GTF2F2: variants seen among roughly 807,000 people sequenced by gnomAD.
The protein encoded by GTF2F2 is general transcription factor IIF subunit 2, also known as ATP-dependent helicase GTF2F2.
GTF2F2 carries 23 observed loss-of-function variants against 42.2 expected under a neutral mutation model. The ratio of observed to expected loss-of-function variants is 0.55; its 90% confidence interval spans 0.39 to 0.77. GTF2F2 has a LOEUF of 0.77. Ranked by LOEUF, GTF2F2 falls within the 30% of genes least tolerant of loss-of-function variation. GTF2F2 has a pLI of 0.00. For missense variants in GTF2F2, 261 were observed against 287.2 expected, an observed-to-expected ratio of 0.91 and a Z score of 0.66; for synonymous variants, 105 against 100.8, an observed-to-expected ratio of 1.04 and a Z score of -0.25.
intron 7 of GTF2F2, among the ~76,000 whole-genome samples, chr13:45,281,565 A>G (rs892622246): frequency 6.6e-6 from 1 of 152,238 alleles, no homozygotes; most frequent in African/African-American, 2.4e-5. Context: ...ATATAGTTAC[A>G]TGAGTCGCCT....
chr13:45,247,931 A>G (rs1267393235), intron 5 of GTF2F2, among the ~76,000 whole-genome samples: 1 of 151,070 alleles, frequency 6.6e-6, no homozygotes, highest in Non-Finnish European at 1.5e-5. Flanking sequence ...CACAACCTCT[A>G]CCTTCTGGGT....
Position 45,189,828 on chromosome 13 carries a change from T to C in GTF2F2, c.305-17596T>C, listed in dbSNP as rs1251716653. On this transcript the variant is annotated intron_variant, in intron 4 of 7. Transcript: ENST00000340473. ...CAATGGGTTGCAAATTAAGAATTAG[T>C]AGACTTCCTCAATTTTATACTTTAA... Among the ~76,000 whole-genome samples, 7 of 152,260 alleles carry C rather than the reference T, an allele frequency of 4.6e-5. No homozygotes were observed. In the East Asian group the frequency reaches 1.3e-3, roughly 29 times the overall value.
chr13:45,123,119 ATC>A (rs1249598228), intron 1 of GTF2F2: 1 of 151,906 alleles, frequency 6.6e-6, no homozygotes, highest in Non-Finnish European at 1.5e-5. Context: ...TGTCTGGGAC[ATC>A]TGTCACCCCA....
intron 5 of GTF2F2, among the ~76,000 whole-genome samples, chr13:45,212,828 G>T (rs896973066): frequency 6.6e-6 from 1 of 151,604 alleles, no homozygotes; most frequent in South Asian, 2.1e-4. Flanking sequence ...TACAACCTCC[G>T]CCTCCCACCT....
intron 4 of GTF2F2, among the ~76,000 whole-genome samples, chr13:45,200,960 C>T (rs1450022311): frequency 6.6e-6 from 1 of 152,086 alleles, no homozygotes; most frequent in Non-Finnish European, 1.5e-5. Flanking sequence ...GTCAGTAGTC[C>T]TCTGGTCTGG....
chr13:45,141,652 CTGTG>C (rs796738862), intron 2 of GTF2F2, among the ~76,000 whole-genome samples: 1 of 151,972 alleles, frequency 6.6e-6, no homozygotes, highest in African/African-American at 2.4e-5. Flanking sequence ...CTTACAAATA[CTGTG>C]TGTGTGTGTT....
At position 45,149,759 on chromosome 13, in the gene GTF2F2, C is replaced by A; in HGVS notation, c.141-11C>A. ...TAAATTATTTTAAATATTTCTTTTC[C>A]TCTCCTTTAGGACTCAAGGAAGGAC... On this transcript the variant is annotated splice_polypyrimidine_tract_variant and intron_variant, in intron 2 of 7. Transcript: ENST00000340473. The A allele has an allele frequency of 6.7e-7, 1 of 1,501,446 alleles. No individual in the cohort carries two copies. Among genetic ancestry groups the A allele is most frequent in the Non-Finnish European group, 8.9e-7 (1 of 1,119,988 alleles). The allele number at this position is 1,501,446 out of a possible 1,614,324, so 93.0% of individuals were successfully genotyped here. A position where few individuals can be genotyped will look rare whatever the true frequency, so the allele number is the denominator to read the frequency against.
chr13:45,255,684 C>T (rs989718973), intron 6 of GTF2F2, among the ~76,000 whole-genome samples: 4 of 152,170 alleles, frequency 2.6e-5, no homozygotes, highest in South Asian at 2.1e-4. Context: ...AATAGAGATT[C>T]TATTCTACTT....
At chr13:45,163,730 G>A (rs1359504796) in intron 4 of GTF2F2, among the ~76,000 whole-genome samples, 1 of 152,002 alleles carries the variant, frequency 6.6e-6, no homozygotes, top group South Asian at 2.1e-4. Context: ...TGAGCATAAG[G>A]GTACCATTAT....
At chr13:45,235,133 GA>G (rs1447822585) in intron 5 of GTF2F2, among the ~76,000 whole-genome samples, 2 of 140,454 alleles carry the variant, frequency 1.4e-5, no homozygotes, top group Non-Finnish European at 3.1e-5. Flanking sequence ...TGTGAAAACA[GA>G]AAATCTTACA....
chr13:45,184,771 T>C (rs759000127), intron 4 of GTF2F2, among the ~76,000 whole-genome samples: 3 of 152,050 alleles, frequency 2.0e-5, no homozygotes, highest in African/African-American at 4.8e-5. Context: ...AACACCTGAG[T>C]GTTAACTGCC....
chr13:45,247,536 G>C (rs1014245811), intron 5 of GTF2F2, among the ~76,000 whole-genome samples: 10 of 151,486 alleles, frequency 6.6e-5, no homozygotes, highest in African/African-American at 2.4e-4. Flanking sequence ...GGGAGTACAG[G>C]TGTGTGCCAC....
chr13:45,267,023 C>T (rs957149194), intron 6 of GTF2F2, among the ~76,000 whole-genome samples: 2 of 152,008 alleles, frequency 1.3e-5, no homozygotes, highest in African/African-American at 4.8e-5. Flanking sequence ...GTGGCGGGCA[C>T]CTGTAATCCC....
intron 7 of GTF2F2, among the ~76,000 whole-genome samples, chr13:45,281,427 A>G (rs929838225): frequency 1.3e-5 from 2 of 152,248 alleles, no homozygotes; most frequent in African/African-American, 2.4e-5. Flanking sequence ...GTGGCATTAG[A>G]TTATGTTGGT....
intron 7 of GTF2F2, among the ~76,000 whole-genome samples, chr13:45,273,463 G>C (rs1876888345): frequency 6.6e-6 from 1 of 151,888 alleles, no homozygotes; most frequent in African/African-American, 2.4e-5. Context: ...TTTACGTAAG[G>C]TATTACATGG....
chr13:45,236,558 T>G (rs1875001091), intron 5 of GTF2F2, among the ~76,000 whole-genome samples: 1 of 151,212 alleles, frequency 6.6e-6, no homozygotes, highest in African/African-American at 2.4e-5. Context: ...TAGATAAGTG[T>G]GGAGTATAAA....
chr13:45,174,888 T>A (rs530794967), intron 4 of GTF2F2, among the ~76,000 whole-genome samples: 1 of 152,216 alleles, frequency 6.6e-6, no homozygotes, highest in African/African-American at 2.4e-5. Context: ...ATATGTACAA[T>A]GTATAAGGAG....
At chr13:45,240,628 G>A (rs1323186020) in intron 5 of GTF2F2, among the ~76,000 whole-genome samples, 1 of 152,016 alleles carries the variant, frequency 6.6e-6, no homozygotes, top group Non-Finnish European at 1.5e-5. Flanking sequence ...AGGAGTTTGA[G>A]ACCAGCCTGG....
intron 5 of GTF2F2, among the ~76,000 whole-genome samples, chr13:45,238,062 G>A (rs1593510193): frequency 6.6e-6 from 1 of 152,002 alleles, no homozygotes; most frequent in Non-Finnish European, 1.5e-5. Context: ...CAAGCCATTC[G>A]CCTGCCTCAG....
Sources: gnomAD v4.1 joint callset for allele counts (sites outside exome capture counted in the v4.1 genomes callset) on GRCh38, gnomAD v4.1.1 for gene constraint, MANE v1.5 for transcripts, NCBI Gene and HGNC (gene_info 2026-07-23, HGNC 2026-07-21) for gene names.